Variants in CSTF1 observed in about 807,000 individuals in gnomAD.
The protein encoded by CSTF1 is CF-1 50 kDa subunit.
Under a neutral mutation model 40.9 loss-of-function variants are expected in CSTF1, and 2 were observed. The ratio of observed to expected loss-of-function variants is 0.05; its 90% CI spans 0.02 to 0.15. The LOEUF (loss-of-function observed/expected upper bound fraction) is 0.15. CSTF1 is among the 10% of genes least tolerant of loss of function. The pLI is 1.00. For missense variants in CSTF1, 279 were observed against 558.9 expected (o/e 0.50, Z 5.05); for synonymous variants, 218 against 207.2 (o/e 1.05, Z -0.45).
At chr20:56,396,166 C>T (rs1280819584) in intron 2 of CSTF1, among the ~76,000 whole-genome samples, 2 of 152,242 alleles carry the variant, frequency 1.3e-5, no homozygotes, top group Non-Finnish European at 1.5e-5. Context: ...TACCTCCACA[C>T]TTCCCACCTA....
Position 56,403,478 on chromosome 20 carries a change from A to C in CSTF1, c.1047A>C (p.Leu349Phe). 6.2e-7 allele frequency: 1 copy of C among 1,614,046 alleles called. No homozygotes were observed. Among genetic ancestry groups the C allele is most frequent in the Non-Finnish European group, 8.5e-7 (1 of 1,179,996 alleles). Residue 349 changes from leucine to phenylalanine, a missense_variant, in exon 6 of 6, where the codon TTA becomes TTC. Leu to Phe is a conservative substitution (Grantham distance 22). Coordinates refer to ENST00000217109, the MANE Select transcript of CSTF1 (RefSeq NM_001324.3). ...RTLVRYTGAG[L>F]SGRQVHRTQA... ...TGCTCTCTGTGGCAGGCGCGGGTTT[A>C]AGTGGACGCCAGGTGCACCGGACAC...
chr20:56,393,347 A>G (rs1272983775), intron 1 of CSTF1, among the ~76,000 whole-genome samples: 1 of 152,084 alleles, frequency 6.6e-6, no homozygotes, highest in African/African-American at 2.4e-5. Context: ...CAGGGTAAAC[A>G]GGATGTGCAT....
chr20:56,399,417 CTT>C lies in CSTF1; in HGVS notation c.1036+63_1036+64del. 2.1e-6 allele frequency: 3 copies of C among 1,414,454 alleles called. No individual in the cohort carries two copies. Among genetic ancestry groups the C allele is most frequent in the Non-Finnish European group, 9.7e-7 (1 of 1,034,364 alleles). The allele number at this position is 1,414,454 out of a possible 1,614,324, so 87.6% of individuals were successfully genotyped here. A position where few individuals can be genotyped will look rare whatever the true frequency, so the allele number is the denominator to read the frequency against. ...TAGTGTTTACACTTTCCAGAACTCTCTTTTAAGACCTCACAATAGAGCAACAC... is the reference window on the plus strand; with the variant it reads ...TAGTGTTTACACTTTCCAGAACTCTCTTAAGACCTCACAATAGAGCAACAC... On this transcript the variant is annotated intron_variant, in intron 5 of 5. Coordinates refer to ENST00000217109, the MANE Select transcript of CSTF1 (RefSeq NM_001324.3). This position sits in a 1 kb window ranked among gnomAD's most constrained non-coding sequence, Gnocchi z 4.6.
Position 56,403,672 on chromosome 20 carries a change from C to T in CSTF1, c.1241C>T (p.Thr414Met). 1 of 1,614,106 alleles carries T rather than the reference C, an allele frequency of 6.2e-7. No individual in the cohort carries two copies. The change falls in exon 6 of 6, where the codon ACG (threonine) becomes ATG (methionine). Residue 414 changes from threonine to methionine, a missense_variant. Thr to Met is a moderately conservative substitution (Grantham distance 81). This residue lies in a region of CSTF1 where 162 missense variants were observed against 337.1 expected (regional missense o/e 0.48). Coordinates refer to ENST00000217109, the MANE Select transcript of CSTF1 (RefSeq NM_001324.3). ...TCCCCCACCAACCCCGGGTTCATGA[C>T]GTGCAGCGATGACTTCAGAGCGCGG... ...VHSPTNPGFM[T>M]CSDDFRARFW...
rs1600728375 is a variant in CSTF1, at chr20:56,395,569, T to G, written c.17T>G (p.Val6Gly). ...TTCTCCAAGATGTACAGAACCAAAGTGGGCTTGAAGGACCGCCAGCAGCTC... is the reference window on the plus strand; with the variant it reads ...TTCTCCAAGATGTACAGAACCAAAGGGGGCTTGAAGGACCGCCAGCAGCTC... Reference protein sequence around the residue: MYRTKVGLKDRQQLYK... With the variant: MYRTKGGLKDRQQLYK... Residue 6 changes from valine to glycine, a missense_variant, in exon 2 of 6, where the codon GTG becomes GGG. By Grantham distance (109) the Val-to-Gly change is moderately radical. Transcript: ENST00000217109. The G allele has an allele frequency of 6.2e-7, 1 of 1,613,908 alleles. No homozygotes were observed. Among genetic ancestry groups the G allele is most frequent in the Non-Finnish European group, 8.5e-7 (1 of 1,179,946 alleles).
At position 56,395,483 on chromosome 20, in the gene CSTF1, A is replaced by C. The variant is rs1389381198; in HGVS notation, c.-32-38A>C. ...CTATGTTGCTTCTGTGATTTACTAG[A>C]GCCTGTACCCTTCACCGTCCATTTT... On this transcript the variant is annotated intron_variant, in intron 1 of 5. Coordinates refer to ENST00000217109, the MANE Select transcript of CSTF1 (RefSeq NM_001324.3). 3.6e-6 allele frequency: 5 copies of C among 1,401,298 alleles called. No homozygotes were observed. The African/African-American group carries it at 5.7e-5, about 16-fold the overall frequency. 86.8% of individuals were successfully genotyped at this position (1,401,298 alleles called of 1,614,324 possible).
rs1172933711 is a variant in CSTF1, at chr20:56,397,511, G to A, written c.447+27G>A. The A allele has an allele frequency of 6.2e-7, 1 of 1,606,842 alleles. No homozygotes were observed. Among genetic ancestry groups the A allele is most frequent in the South Asian group, 1.1e-5 (1 of 90,664 alleles). On this transcript the variant is annotated intron_variant, in intron 3 of 5. Transcript: ENST00000217109. The surrounding 1 kb of genome is among the most constrained non-coding windows in gnomAD (Gnocchi z 4.4). ...TAAAAATTCCAGTCACATACTTATTGATTGCCTTCTGTTTTTCATTTTTGG... is the reference window on the plus strand; with the variant it reads ...TAAAAATTCCAGTCACATACTTATTAATTGCCTTCTGTTTTTCATTTTTGG...
chr20:56,396,116 A>T (rs1454206308), intron 2 of CSTF1, among the ~76,000 whole-genome samples: 2 of 152,130 alleles, frequency 1.3e-5, no homozygotes, highest in Non-Finnish European at 2.9e-5. Flanking sequence ...AGTTGTTTTG[A>T]AATTTCCTTT....
rs1600734296 is a variant in CSTF1, at chr20:56,404,565, C to G, written c.*838C>G. On this transcript the variant is annotated 3_prime_UTR_variant, in exon 6 of 6. Coordinates refer to ENST00000217109, the MANE Select transcript of CSTF1 (RefSeq NM_001324.3). Reference sequence around the variant, plus strand: ...AGTTCTCGTCAGCATGAACTAACTTCTCATCATGGAGGCACATAGTAACTG... The same window carrying G: ...AGTTCTCGTCAGCATGAACTAACTTGTCATCATGGAGGCACATAGTAACTG... The G allele has an allele frequency of 6.6e-6, 1 of 152,184 alleles. No individual in the cohort carries two copies. The highest frequency in any genetic ancestry group is 1.9e-4 in the East Asian group (1 of 5,180). The allele number at this position is 152,184 out of a possible 1,614,324, so 9.4% of individuals were successfully genotyped here.
intron 1 of CSTF1, among the ~76,000 whole-genome samples, chr20:56,394,541 C>T (rs1270291584): frequency 2.0e-5 from 3 of 152,156 alleles, no homozygotes; most frequent in South Asian, 2.1e-4. Context: ...GAGCCGAGAT[C>T]GCGCCACTGC....
At position 56,399,766 on chromosome 20, in the gene CSTF1, C is replaced by G. The variant is rs192166198; in HGVS notation, c.1036+409C>G. Among the ~76,000 whole-genome samples, 3 of 152,290 alleles carry G rather than the reference C, an allele frequency of 2.0e-5. No individual in the cohort carries two copies. The highest frequency in any genetic ancestry group is 4.8e-5 in the African/African-American group (2 of 41,566). Reference sequence around the variant, plus strand: ...GAATGGCTGAGAGGGAAGATCTTATCCCATTCCTAAGAGAGCAGACCTAGC... The same window carrying G: ...GAATGGCTGAGAGGGAAGATCTTATGCCATTCCTAAGAGAGCAGACCTAGC... On this transcript the variant is annotated intron_variant, in intron 5 of 5. Coordinates refer to ENST00000217109, the MANE Select transcript of CSTF1 (RefSeq NM_001324.3). The surrounding 1 kb of genome is among the most constrained non-coding windows in gnomAD (Gnocchi z 4.6).
At chr20:56,398,782 GT>G (rs1355887891) in intron 4 of CSTF1, among the ~76,000 whole-genome samples, 184 bp from the exon 5 acceptor site, 10 of 152,164 alleles carry the variant, frequency 6.6e-5, no homozygotes, top group Non-Finnish European at 1.2e-4. Context: ...TAAATATTTA[GT>G]TTTGGAAATC....
Position 56,399,069 on chromosome 20 carries a change from C to G in CSTF1, c.748C>G (p.Gln250Glu), listed in dbSNP as rs1314966131. 1 of 1,614,156 alleles carries G rather than the reference C, an allele frequency of 6.2e-7. No homozygotes were observed. ...TCGCCTTTATGATATCAACACCTTT[C>G]AATGTTTTGTCTCTTGCAATCCTCA... ...TLRLYDINTF[Q>E]CFVSCNPQDQ... The change falls in exon 5 of 6, where the codon CAA becomes GAA. Residue 250 changes from glutamine to glutamate, a missense_variant. Coordinates refer to ENST00000217109, the MANE Select transcript of CSTF1 (RefSeq NM_001324.3). This position sits in a 1 kb window ranked among gnomAD's most constrained non-coding sequence, Gnocchi z 4.6.
rs71198364 is a variant in CSTF1, at chr20:56,404,812, A to ATTTTTTTTTTTTTTTTTTTTTTTTTTTT, written c.*1111_*1112insTTTTTTTTTTTTTTTTTTTTTTTTTTTT. 42 of 50,922 alleles carry ATTTTTTTTTTTTTTTTTTTTTTTTTTTT rather than the reference A, an allele frequency of 8.2e-4. 3 individuals carry two copies. The highest frequency in any genetic ancestry group is 2.0e-3 in the East Asian group (3 of 1,492). The allele number at this position is 50,922 out of a possible 1,614,324, so 3.2% of individuals were successfully genotyped here. On this transcript the variant is annotated 3_prime_UTR_variant, in exon 6 of 6. Transcript: ENST00000217109. ...AGGCACCCACCACCACGCCCGGCTA[A>ATTTTTTTTTTTTTTTTTTTTTTTTTTTT]TTTTTTTTTTTTTTTTTTTTTTTTT... is the stretch of plus-strand genomic sequence containing the variant.
intron 1 of CSTF1, 126 bp downstream of exon 1, chr20:56,392,839 T>C (rs1164045590): frequency 6.6e-6 from 1 of 152,128 alleles, no homozygotes; most frequent in African/African-American, 2.4e-5. Context: ...CTACTTTGCG[T>C]TTCCTAAGTT....
intron 2 of CSTF1, among the ~76,000 whole-genome samples, chr20:56,396,751 G>GT (rs1240110642): frequency 6.6e-6 from 1 of 152,114 alleles, no homozygotes; most frequent in Admixed American, 6.6e-5. Flanking sequence ...TGATAAACCA[G>GT]TTTTTTTTAA....
intron 1 of CSTF1, among the ~76,000 whole-genome samples, chr20:56,393,077 C>T (rs1486005240): frequency 6.6e-6 from 1 of 151,632 alleles, no homozygotes; most frequent in Non-Finnish European, 1.5e-5. Context: ...GGCGAGTGAA[C>T]GTTCTGTGGG....
Position 56,397,322 on chromosome 20 carries a change from G to A in CSTF1, c.285G>A (p.Glu95=). The A allele has an allele frequency of 6.2e-7, 1 of 1,614,194 alleles. No homozygotes were observed. ...FDADVQTMSP[E]ASEYETCYVT... is the part of the protein sequence containing the mutation. ...CAGATGTTCAGACTATGTCCCCAGA[G>A]GCTTCTGAGTACGAAACATGCTATG... The change falls in exon 3 of 6, where the codon GAG becomes GAA. Residue 95 remains glutamate, a synonymous_variant. Transcript: ENST00000217109. The surrounding 1 kb of genome is among the most constrained non-coding windows in gnomAD (Gnocchi z 4.4).
rs2146252261 is a variant in CSTF1 at position 56,405,096 on chromosome 20, T to A, written c.*1369T>A. ...ATCCCAAAAAACAAATACCTTATGA[T>A]CTGCATAGGAGTACCTAGAAATATA... On this transcript the variant is annotated 3_prime_UTR_variant, in exon 6 of 6. Coordinates refer to ENST00000217109, the MANE Select transcript of CSTF1 (RefSeq NM_001324.3). 6.6e-6 allele frequency: 1 copy of A among 152,218 alleles called. No individual in the cohort carries two copies. The highest frequency in any genetic ancestry group is 1.9e-4 in the East Asian group (1 of 5,180). The allele number at this position is 152,218 out of a possible 1,614,324, so 9.4% of individuals were successfully genotyped here. A position where few individuals can be genotyped will look rare whatever the true frequency, so the allele number is the denominator to read the frequency against.
Sources: allele counts gnomAD v4.1 joint callset (sites outside exome capture counted in the v4.1 genomes callset), GRCh38; gene constraint gnomAD v4.1.1; regional missense constraint gnomAD v4.1.1; non-coding constraint Gnocchi (gnomAD v3.1); transcripts MANE v1.5; gene names NCBI Gene and HGNC (gene_info 2026-07-23, HGNC 2026-07-21).